Variants in B3GNT3 observed in about 807,000 individuals in gnomAD.
The protein encoded by B3GNT3 is N-acetyllactosaminide beta-1,3-N-acetylglucosaminyltransferase 3.
B3GNT3 carries 7 observed loss-of-function variants against 11.6 expected under a neutral mutation model. The observed-to-expected ratio is 0.60, with a 90% CI of 0.34 to 1.13. The LOEUF (loss-of-function observed/expected upper bound fraction) is 1.13, where lower values mean the gene tolerates loss of function less well. Ranked by LOEUF, B3GNT3 falls within the 50% of genes most tolerant of loss-of-function variation. The pLI, the probability that B3GNT3 is intolerant of heterozygous loss-of-function variation, is 0.03. For synonymous variants in B3GNT3, 201 were observed against 222.1 expected (o/e 0.90, Z 0.85); for missense variants, 400 against 507.4 (o/e 0.79, Z 2.03).
rs200510528 is a variant in B3GNT3, at chr19:17,807,987, G to T, written c.180G>T (p.Pro60=). 1 of 389,264 alleles carries T rather than the reference G, an allele frequency of 2.6e-6. No homozygotes were observed. Among genetic ancestry groups the T allele is most frequent in the Admixed American group, 4.7e-5 (1 of 21,216 alleles). The allele number at this position is 389,264 out of a possible 1,614,324, so 24.1% of individuals were successfully genotyped here. Residue 60 remains proline (P), a synonymous_variant, in exon 2 of 3, where the codon CCG becomes CCT. Transcript: ENST00000318683. ...PTPPTRPAPA[P]CHANTSMVTH... ...CACCCACCCGCCCAGCCCCGGCCCC[G>T]TGCCATGCCAACACCTCTATGGTCA... is the stretch of plus-strand genomic sequence containing the variant.
At chr19:17,802,841 CT>C (rs1430369054) in intron 1 of B3GNT3, among the ~76,000 whole-genome samples, 1 of 151,718 alleles carries the variant, frequency 6.6e-6, no homozygotes, top group African/African-American at 2.4e-5. Context: ...CCATACTCAG[CT>C]AATTTTTTTA....
At chr19:17,805,943 A>G (rs2094172492) in intron 1 of B3GNT3, among the ~76,000 whole-genome samples, 2 of 151,468 alleles carry the variant, frequency 1.3e-5, no homozygotes, top group Non-Finnish European at 2.9e-5. Flanking sequence ...GACCTCAAGC[A>G]CATGCTACCA....
chr19:17,809,516 G>A lies in B3GNT3; in HGVS notation c.567+1142G>A, dbSNP rs539346004. Among the ~76,000 whole-genome samples, 17 of 150,636 alleles carry A rather than the reference G, an allele frequency of 1.1e-4. No homozygotes were observed. The East Asian group carries it at 2.8e-3, about 24-fold the overall frequency. On this transcript the variant is annotated intron_variant, in intron 2 of 2. Transcript: ENST00000318683. Reference sequence around the variant, plus strand: ...GGCTGGAGTGCAGTGGTGCAATCTCGGCTCACTGCAACCTCCACCTCCCAG... The same window carrying A: ...GGCTGGAGTGCAGTGGTGCAATCTCAGCTCACTGCAACCTCCACCTCCCAG...
intron 1 of B3GNT3, among the ~76,000 whole-genome samples, chr19:17,800,890 C>T (rs1418945730): frequency 6.6e-6 from 1 of 151,858 alleles, no homozygotes; most frequent in African/African-American, 2.4e-5. Flanking sequence ...TCACTTGAAC[C>T]CAGGAGGGTG....
At position 17,800,972 on chromosome 19, in the gene B3GNT3, A is replaced by AAT. The variant is rs61549187; in HGVS notation, c.-51+5775_-51+5776dup. Among the ~76,000 whole-genome samples, 1,172 of 151,864 alleles carry AAT rather than the reference A, an allele frequency of 7.7e-3. 16 individuals carry two copies. Among genetic ancestry groups the AAT allele is most frequent in the African/African-American group, 0.026 (1,089 of 41,374 alleles). ...CCTGGGCGACAGAGGCTCTATCTAA[A>AAT]ATATATATATGTATATATATATATT... On this transcript the variant is annotated intron_variant, in intron 1 of 2. Transcript: ENST00000318683.
At position 17,797,615 on chromosome 19, in the gene B3GNT3, TCATC is replaced by T. The variant is rs1230318066; in HGVS notation, c.-51+2413_-51+2416del. ...GCTGGCATGGATGACATACAATTAG[TCATC>T]CATGACAGAGCCTCGGGACCTAGAA... On this transcript the variant is annotated intron_variant, in intron 1 of 2. Transcript: ENST00000318683. Among the ~76,000 whole-genome samples the T allele has an allele frequency of 4.0e-3, 604 of 152,090 alleles. 7 individuals are homozygous for T. Among genetic ancestry groups the T allele is most frequent in the African/African-American group, 0.012 (517 of 41,488 alleles).
rs138367060 is a variant in B3GNT3 at position 17,800,184 on chromosome 19, G to A, written c.-51+4978G>A. 6.0e-3 allele frequency among the ~76,000 whole-genome samples: 910 copies of A among 152,212 alleles called. 4 individuals are homozygous for A. Among genetic ancestry groups the A allele is most frequent in the Non-Finnish European group, 0.011 (763 of 68,018 alleles). ...GAGGTCAGGAGTTCGAGACCAGCCT[G>A]GCCAACGCGCTGAAACCCCGTCTTT... On this transcript the variant is annotated intron_variant, in intron 1 of 2. Coordinates refer to ENST00000318683, the MANE Select transcript of B3GNT3 (RefSeq NM_014256.4).
rs1305167379 is a variant in B3GNT3, at chr19:17,813,251, C to T, written c.*1129C>T. Among the ~76,000 whole-genome samples, 1 of 152,030 alleles carries T rather than the reference C, an allele frequency of 6.6e-6. No individual in the cohort carries two copies. The highest frequency in any genetic ancestry group is 2.1e-4 in the South Asian group (1 of 4,822). ...TTGGGAGACCAAAGTGGGAGGATCA[C>T]TTGAGCCCAGGAGTTCTGGATCCTG... is the stretch of plus-strand genomic sequence containing the variant. On this transcript the variant is annotated 3_prime_UTR_variant, in exon 3 of 3. Coordinates refer to ENST00000318683, the MANE Select transcript of B3GNT3 (RefSeq NM_014256.4).
At chr19:17,801,020 C>T (rs2094165541) in intron 1 of B3GNT3, among the ~76,000 whole-genome samples, 1 of 151,784 alleles carries the variant, frequency 6.6e-6, no homozygotes, top group African/African-American at 2.4e-5. Context: ...ATTCAAGTAT[C>T]ATGTATGTGA....
intron 1 of B3GNT3, among the ~76,000 whole-genome samples, chr19:17,797,025 C>T (rs1335285371): frequency 6.6e-6 from 1 of 152,130 alleles, no homozygotes. Context: ...AAGGAAATCT[C>T]ATCAGCTGGG....
At position 17,811,497 on chromosome 19, in the gene B3GNT3, G is replaced by A. The variant is rs1666302695; in HGVS notation, c.568-74G>A. 7.0e-7 allele frequency: 1 copy of A among 1,428,216 alleles called. No individual in the cohort carries two copies. The highest frequency in any genetic ancestry group is 9.4e-7 in the Non-Finnish European group (1 of 1,059,110). 88.5% of individuals were successfully genotyped at this position (1,428,216 alleles called of 1,614,324 possible). A position where few individuals can be genotyped will look rare whatever the true frequency, so the allele number is the denominator to read the frequency against. Reference sequence around the variant, plus strand: ...CTTCCTTTCCTGGGCTTAGTGGGCTGGAGTGGCTAATAGAGACCCAAGGCC... The same window carrying A: ...CTTCCTTTCCTGGGCTTAGTGGGCTAGAGTGGCTAATAGAGACCCAAGGCC... On this transcript the variant is annotated intron_variant, in intron 2 of 2. Coordinates refer to ENST00000318683, the MANE Select transcript of B3GNT3 (RefSeq NM_014256.4). This position sits in a 1 kb window ranked among gnomAD's most constrained non-coding sequence, Gnocchi z 4.1.
At chr19:17,804,926 A>T (rs1045350007) in intron 1 of B3GNT3, among the ~76,000 whole-genome samples, 4 of 149,848 alleles carry the variant, frequency 2.7e-5, no homozygotes, top group African/African-American at 9.9e-5. Flanking sequence ...AGGCCACCAA[A>T]CTCTTCCACC....
chr19:17,812,028 T>C lies in B3GNT3; in HGVS notation c.1025T>C (p.Leu342Pro). 1 of 1,599,806 alleles carries C rather than the reference T, an allele frequency of 6.3e-7. No homozygotes were observed. Among genetic ancestry groups the C allele is most frequent in the Non-Finnish European group, 8.5e-7 (1 of 1,179,924 alleles). The change falls in exon 3 of 3, where the codon CTG becomes CCG. Residue 342 changes from leucine (L) to proline (P), a missense_variant. Leu to Pro is a moderately conservative substitution (Grantham distance 98, BLOSUM62 -3). Coordinates refer to ENST00000318683, the MANE Select transcript of B3GNT3 (RefSeq NM_014256.4). ...FDPCFYRDLL[L>P]VHRFLPYEML... ...CCCTGCTTCTACCGAGACCTGCTGC[T>C]GGTGCACCGCTTCCTACCTTATGAG... is the stretch of plus-strand genomic sequence containing the variant.
In B3GNT3 at chr19:17,813,487, T is replaced by G. The variant is rs1209832016; in HGVS notation, c.*1365T>G. Among the ~76,000 whole-genome samples the G allele has an allele frequency of 6.6e-6, 1 of 152,030 alleles. No individual in the cohort carries two copies. Among genetic ancestry groups the G allele is most frequent in the Non-Finnish European group, 1.5e-5 (1 of 68,006 alleles). On this transcript the variant is annotated 3_prime_UTR_variant, in exon 3 of 3. Transcript: ENST00000318683. ...TGTGTGAGGCAAAAGCTGCAGGAAT[T>G]TCTATCAGGCAGATCTGACCTCATC...
At chr19:17,800,774 C>T (rs984559963) in intron 1 of B3GNT3, among the ~76,000 whole-genome samples, 1 of 151,850 alleles carries the variant, frequency 6.6e-6, no homozygotes, top group Admixed American at 6.6e-5. Flanking sequence ...TGAAACCAGC[C>T]TGGCCAACAT....
At chr19:17,797,626 A>G (rs2094160898) in intron 1 of B3GNT3, among the ~76,000 whole-genome samples, 1 of 152,154 alleles carries the variant, frequency 6.6e-6, no homozygotes. Flanking sequence ...CATCCATGAC[A>G]GAGCCTCGGG....
intron 1 of B3GNT3, among the ~76,000 whole-genome samples, chr19:17,800,115 C>T (rs547880570): frequency 1.1e-4 from 16 of 152,264 alleles, no homozygotes; most frequent in African/African-American, 3.4e-4. Context: ...TGGCTCACTC[C>T]TGTAATCCCA....
At chr19:17,804,620 C>T (rs1016282542) in intron 1 of B3GNT3, among the ~76,000 whole-genome samples, 20 of 146,594 alleles carry the variant, frequency 1.4e-4, no homozygotes, top group Non-Finnish European at 2.4e-4. Flanking sequence ...TCACTGCAAC[C>T]TCCGCCTCCT....
chr19:17,810,450 C>G (rs896298025), intron 2 of B3GNT3, among the ~76,000 whole-genome samples: 4 of 151,982 alleles, frequency 2.6e-5, no homozygotes, highest in African/African-American at 9.7e-5. Context: ...GTGTGATAAA[C>G]ATCAGCTTGA....
Sources: gnomAD v4.1 joint callset for allele counts (sites outside exome capture counted in the v4.1 genomes callset) on GRCh38, gnomAD v4.1.1 for gene constraint, Gnocchi (gnomAD v3.1) non-coding constraint, MANE v1.5 for transcripts, NCBI Gene and HGNC (gene_info 2026-07-23, HGNC 2026-07-21) for gene names.